The following TXNL4A variants were observed in gnomAD, a reference collection of about 807,000 sequenced individuals.
TXNL4A encodes the protein thioredoxin like 4A, also known as thioredoxin-like protein 4A.
A neutral mutation model predicts 14.6 loss-of-function variants in TXNL4A; 17 were observed. The ratio of observed to expected loss-of-function variants is 1.16; its 90% confidence interval spans 0.80 to 1.74. The LOEUF is 1.74. Ranked by LOEUF, TXNL4A falls within the 40% of genes most tolerant of loss-of-function variation. The pLI is 0.00. For missense variants in TXNL4A, 74 were observed against 195.2 expected, an observed-to-expected ratio of 0.38 and a Z score of 3.70; for synonymous variants, 83 against 70.6, an observed-to-expected ratio of 1.18 and a Z score of -0.88.
upstream of TXNL4A, among the ~76,000 whole-genome samples, chr18:79,988,891 C>T (rs980964650): frequency 6.6e-6 from 1 of 152,216 alleles, no homozygotes; most frequent in East Asian, 1.9e-4. Flanking sequence ...CCGGAATGCC[C>T]GGCACTGCGG....
At position 80,011,368 on chromosome 18, in the gene TXNL4A, G is replaced by A. The variant is rs1253540193; in HGVS notation, c.-61+22483C>T. Among the ~76,000 whole-genome samples the A allele has an allele frequency of 1.3e-5, 2 of 152,168 alleles. No homozygotes were observed. Among genetic ancestry groups the A allele is most frequent in the African/African-American group, 2.4e-5 (1 of 41,436 alleles). ...GACTGGAAGTGTTGATCCAGAAACA[G>A]CATGTTTTATTTAAGAGTGCACAGG... On this transcript the variant is annotated intron_variant, in intron 1 of 2. Transcript: ENST00000585474. This position sits in a 1 kb window ranked among gnomAD's most constrained non-coding sequence, Gnocchi z 4.1.
rs776950508 is a variant in TXNL4A, at chr18:79,971,984, T to C, written c.*1701A>G. 2.0e-5 allele frequency: 3 copies of C among 152,342 alleles called. No homozygotes were observed. The highest frequency in any genetic ancestry group is 3.4e-3 in the Middle Eastern group (1 of 294). 9.4% of individuals were successfully genotyped at this position (152,342 alleles called of 1,614,324 possible). A position where few individuals can be genotyped will look rare whatever the true frequency, so the allele number is the denominator to read the frequency against. On this transcript the variant is annotated 3_prime_UTR_variant, in exon 3 of 3. Transcript: ENST00000269601. ...CTGTTGCACTCTCCTACTTTATACATAGAAAAATCAGCACTTGGGAGATTA... is the reference window on the plus strand; with the variant it reads ...CTGTTGCACTCTCCTACTTTATACACAGAAAAATCAGCACTTGGGAGATTA...
At chr18:80,013,403 G>C (rs374522417) in intron 1 of TXNL4A, among the ~76,000 whole-genome samples, 220 of 151,820 alleles carry the variant, frequency 1.4e-3, no homozygotes, top group African/African-American at 5.2e-3. Context: ...TTACAGGCGT[G>C]AGCCACCACA....
At chr18:80,020,491 T>A (rs1237933353) in intron 1 of TXNL4A, among the ~76,000 whole-genome samples, 3 of 152,182 alleles carry the variant, frequency 2.0e-5, no homozygotes, top group African/African-American at 7.2e-5. Flanking sequence ...AGCTGGCCAT[T>A]TTTTAGCCAC....
intron 1 of TXNL4A, chr18:80,033,826 C>T (rs2051944773): frequency 7.2e-6 from 1 of 139,554 alleles, no homozygotes; most frequent in Admixed American, 7.0e-5. Flanking sequence ...CCCGTTGCCG[C>T]CCCCCCCGCC....
In TXNL4A at chr18:79,982,401, T is replaced by C. The variant is rs149661568; in HGVS notation, c.154-4700A>G. On this transcript the variant is annotated intron_variant, in intron 1 of 2. Coordinates refer to ENST00000269601, the MANE Select transcript of TXNL4A (RefSeq NM_006701.5). This position sits in a 1 kb window ranked among gnomAD's most constrained non-coding sequence, Gnocchi z 4.0. ...AGAAAAAGGCCCTCCAGGTAGCGAC[T>C]GGCCTGGAGCTGTACAATGGAGTCT... Among the ~76,000 whole-genome samples, 2,006 of 152,286 alleles carry C rather than the reference T, an allele frequency of 0.013. 43 individuals are homozygous for C. The highest frequency in any genetic ancestry group is 0.045 in the African/African-American group (1,886 of 41,554).
At position 79,973,006 on chromosome 18, in the gene TXNL4A, G is replaced by C. The variant is rs1335408109; in HGVS notation, c.*679C>G. The C allele has an allele frequency of 6.6e-6, 1 of 152,166 alleles. No homozygotes were observed. The highest frequency in any genetic ancestry group is 2.4e-5 in the African/African-American group (1 of 41,424). The allele number at this position is 152,166 out of a possible 1,614,324, so 9.4% of individuals were successfully genotyped here. ...GTCCTAACCCCCAGCACCTCAGACT[G>C]TGACTTTTGTGGACATAAGATCCTT... is the stretch of plus-strand genomic sequence containing the variant. On this transcript the variant is annotated 3_prime_UTR_variant, in exon 3 of 3. Coordinates refer to ENST00000269601, the MANE Select transcript of TXNL4A (RefSeq NM_006701.5).
intron 1 of TXNL4A, among the ~76,000 whole-genome samples, chr18:79,996,306 G>C (rs1271094520): frequency 2.0e-5 from 3 of 152,116 alleles, no homozygotes; most frequent in Non-Finnish European, 4.4e-5. Flanking sequence ...ACAACTGCCT[G>C]AATTTGACAC....
chr18:80,020,318 G>T lies in TXNL4A; in HGVS notation c.-61+13533C>A, dbSNP rs529892551. On this transcript the variant is annotated intron_variant, in intron 1 of 2. Transcript: ENST00000585474. ...GCCAGGACAGGTCTTTAACTGAACT[G>T]CAGGTTTTTCCAGCAGCAAAGCTTG... 1.6e-4 allele frequency among the ~76,000 whole-genome samples: 24 copies of T among 152,328 alleles called. No homozygotes were observed. The South Asian group carries it at 5.0e-3, about 32-fold the overall frequency.
At chr18:79,987,327 T>G (rs1350071199) in intron 1 of TXNL4A, among the ~76,000 whole-genome samples, 1 of 152,220 alleles carries the variant, frequency 6.6e-6, no homozygotes, top group Non-Finnish European at 1.5e-5. Context: ...GAATATAAAA[T>G]ATGTCCTTAC....
chr18:80,010,408 TG>T (rs2051762056), intron 1 of TXNL4A, among the ~76,000 whole-genome samples: 2 of 152,242 alleles, frequency 1.3e-5, no homozygotes, highest in South Asian at 4.2e-4. Context: ...GATGAAGCGA[TG>T]ATTCACAGAG....
intron 1 of TXNL4A, among the ~76,000 whole-genome samples, chr18:80,029,322 G>T (rs1361864173): frequency 6.6e-6 from 1 of 152,030 alleles, no homozygotes; most frequent in Admixed American, 6.6e-5. Context: ...AAGGAAAGTC[G>T]CCCAGGGTCA....
chr18:79,996,103 C>CAAAAAAAAAAA (rs60443481), intron 1 of TXNL4A, among the ~76,000 whole-genome samples: 1 of 61,314 alleles, frequency 1.6e-5, no homozygotes, highest in Non-Finnish European at 2.7e-5. Context: ...GACTCTGACT[C>CAAAAAAAAAAA]AAAAAAAAAA....
intron 1 of TXNL4A, among the ~76,000 whole-genome samples, chr18:80,004,896 A>G (rs2051719798): frequency 6.6e-6 from 1 of 152,244 alleles, no homozygotes; most frequent in Admixed American, 6.5e-5. Flanking sequence ...ACTATTGAAG[A>G]GTCCAGAACA....
At position 79,973,435 on chromosome 18, in the gene TXNL4A, A is replaced by C; in HGVS notation, c.*250T>G. 1 of 444,740 alleles carries C rather than the reference A, an allele frequency of 2.2e-6. No homozygotes were observed. The highest frequency in any genetic ancestry group is 3.9e-6 in the Non-Finnish European group (1 of 257,376). 27.5% of individuals were successfully genotyped at this position (444,740 alleles called of 1,614,324 possible). On this transcript the variant is annotated 3_prime_UTR_variant, in exon 3 of 3. Transcript: ENST00000269601. ...AGGATAAACACCTTCGTTTTACTCCAAGGGTAAGAATTAACTTTGACTAGG... is the reference window on the plus strand; with the variant it reads ...AGGATAAACACCTTCGTTTTACTCCCAGGGTAAGAATTAACTTTGACTAGG...
chr18:79,991,074 C>T (rs573528301), upstream of TXNL4A, among the ~76,000 whole-genome samples: 3 of 146,988 alleles, frequency 2.0e-5, no homozygotes, highest in East Asian at 6.1e-4. Context: ...TACCACTGCA[C>T]TCCAGCCTGG....
At chr18:80,008,100 C>T (rs1228322765) in intron 1 of TXNL4A, among the ~76,000 whole-genome samples, 6 of 152,022 alleles carry the variant, frequency 3.9e-5, no homozygotes, top group South Asian at 2.1e-4. Flanking sequence ...TGTAATGAGC[C>T]GTGACTGCAC....
At position 79,993,631 on chromosome 18, in the gene TXNL4A, G is replaced by C. The variant is rs549187732; in HGVS notation, c.-60-15930C>G. Among the ~76,000 whole-genome samples, 4 of 152,138 alleles carry C rather than the reference G, an allele frequency of 2.6e-5. No individual in the cohort carries two copies. Among genetic ancestry groups the C allele is most frequent in the Non-Finnish European group, 5.9e-5 (4 of 68,032 alleles). ...GGGTTGTGTGTGTTGGGTTGTGTGT[G>C]TGTTTCAGTCCTTTCAGCTACCGGA... On this transcript the variant is annotated intron_variant, in intron 1 of 2. Transcript: ENST00000585474. The surrounding 1 kb of genome is among the most constrained non-coding windows in gnomAD (Gnocchi z 4.4).
chr18:80,005,702 G>A (rs2051725424), intron 1 of TXNL4A, among the ~76,000 whole-genome samples: 1 of 151,916 alleles, frequency 6.6e-6, no homozygotes, highest in African/African-American at 2.4e-5. Context: ...ATCACTTGAG[G>A]TCAGAAGTTC....
Sources: gnomAD v4.1 joint callset for allele counts (sites outside exome capture counted in the v4.1 genomes callset) on GRCh38, gnomAD v4.1.1 for gene constraint, Gnocchi (gnomAD v3.1) non-coding constraint, MANE v1.5 for transcripts, NCBI Gene and HGNC (gene_info 2026-07-23, HGNC 2026-07-21) for gene names.